The following GABRG3 variants were observed in gnomAD, a reference collection of about 807,000 sequenced individuals.
GABRG3 encodes gamma-aminobutyric acid receptor subunit gamma-3.
Under a neutral mutation model 48.8 loss-of-function variants are expected in GABRG3, and 25 were observed. The ratio of observed to expected loss-of-function variants is 0.51; its 90% CI spans 0.37 to 0.72. The LOEUF is 0.72. Ranked by LOEUF, GABRG3 falls within the 30% of genes least tolerant of loss-of-function variation. GABRG3 has a pLI of 0.00. For synonymous variants in GABRG3, 227 were observed against 217.6 expected (o/e 1.04, Z -0.38); for missense variants, 394 against 577.9 (o/e 0.68, Z 3.26).
intron 3 of GABRG3, among the ~76,000 whole-genome samples, chr15:27,223,482 T>C (rs1034526213): frequency 6.6e-6 from 1 of 152,126 alleles, no homozygotes; most frequent in African/African-American, 2.4e-5. Context: ...AATTTCTATG[T>C]TTACTTAAAA....
At chr15:27,162,837 C>A (rs1887241165) in intron 3 of GABRG3, among the ~76,000 whole-genome samples, 1 of 152,106 alleles carries the variant, frequency 6.6e-6, no homozygotes, top group Non-Finnish European at 1.5e-5. Flanking sequence ...AAGGGTAAGG[C>A]AACATCATTG....
At chr15:27,031,955 C>T (rs754238940) in intron 3 of GABRG3, among the ~76,000 whole-genome samples, 18 of 152,098 alleles carry the variant, frequency 1.2e-4, no homozygotes, top group Non-Finnish European at 1.8e-4. Flanking sequence ...ATCTGTAGTT[C>T]GATAACTTTC....
At chr15:27,015,360 C>A (rs1051944726) in intron 2 of GABRG3, among the ~76,000 whole-genome samples, 12 of 151,068 alleles carry the variant, frequency 7.9e-5, no homozygotes, top group Non-Finnish European at 1.8e-4. Flanking sequence ...TCCTCTCTTG[C>A]CGCTCACTTT....
At chr15:27,216,762 A>ATTTATTTT (rs1889267093) in intron 3 of GABRG3, among the ~76,000 whole-genome samples, 2 of 97,400 alleles carry the variant, frequency 2.1e-5, no homozygotes, top group African/African-American at 7.3e-5. Flanking sequence ...TTATTTATTT[A>ATTTATTTT]TTTATTTATT....
At chr15:27,071,908 G>T (rs748367740) in intron 3 of GABRG3, among the ~76,000 whole-genome samples, 1 of 152,130 alleles carries the variant, frequency 6.6e-6, no homozygotes, top group Non-Finnish European at 1.5e-5. Flanking sequence ...CAGTTGTGGG[G>T]ATAAGAAAAA....
intron 3 of GABRG3, among the ~76,000 whole-genome samples, chr15:27,275,830 C>T (rs1021712806): frequency 2.6e-5 from 4 of 152,062 alleles, no homozygotes; most frequent in African/African-American, 4.8e-5. Flanking sequence ...ACTGCAGGTC[C>T]GATGGGGAGG....
intron 2 of GABRG3, among the ~76,000 whole-genome samples, chr15:27,002,744 C>CAAA (rs71413297): frequency 4.3e-4 from 11 of 25,412 alleles, no homozygotes; most frequent in Admixed American, 7.9e-4. Context: ...CCGTGTCTCT[C>CAAA]AAAAAAAAAA....
intron 5 of GABRG3, among the ~76,000 whole-genome samples, chr15:27,429,040 G>A (rs1888373627): frequency 6.6e-6 from 1 of 152,188 alleles, no homozygotes; most frequent in African/African-American, 2.4e-5. Flanking sequence ...TATACATATA[G>A]ATAAGGTTCA....
At position 27,536,454 on chromosome 15, in the gene GABRG3, TTTTA is replaced by T. The variant is rs1891548929; in HGVS notation, c.*3579_*3582del. ...GCAGTTAGCTATATTTCATGCCAAG[TTTTA>T]TTTATCTTTTATGAATGGATGGAAA... is the stretch of plus-strand genomic sequence containing the variant. On this transcript the variant is annotated 3_prime_UTR_variant, in exon 10 of 10. Transcript: ENST00000615808. The T allele has an allele frequency of 6.6e-6, 1 of 152,176 alleles. No individual in the cohort carries two copies. Among genetic ancestry groups the T allele is most frequent in the Non-Finnish European group, 1.5e-5 (1 of 68,042 alleles). 9.4% of individuals were successfully genotyped at this position (152,176 alleles called of 1,614,324 possible).
chr15:27,122,570 G>A (rs1486575268), intron 3 of GABRG3, among the ~76,000 whole-genome samples: 5 of 152,158 alleles, frequency 3.3e-5, no homozygotes, highest in African/African-American at 7.2e-5. Flanking sequence ...AAAAATAAAA[G>A]CAATTGAGAG....
chr15:27,053,961 G>A (rs1330373557), intron 3 of GABRG3, among the ~76,000 whole-genome samples: 2 of 152,216 alleles, frequency 1.3e-5, no homozygotes, highest in Non-Finnish European at 2.9e-5. Context: ...AGACACTGGG[G>A]ACTTCAAAAG....
At chr15:27,072,364 T>G (rs1440394983) in intron 3 of GABRG3, among the ~76,000 whole-genome samples, 1 of 152,154 alleles carries the variant, frequency 6.6e-6, no homozygotes, top group Non-Finnish European at 1.5e-5. Context: ...CTTCATTTCC[T>G]TTTCTTCATT....
At chr15:27,015,687 G>T (rs139609924) in intron 2 of GABRG3, among the ~76,000 whole-genome samples, 1 of 151,768 alleles carries the variant, frequency 6.6e-6, no homozygotes, top group African/African-American at 2.4e-5. Flanking sequence ...GCGCCCGGCC[G>T]TGTTTGATTT....
chr15:27,247,597 T>A (rs574550136), intron 3 of GABRG3, among the ~76,000 whole-genome samples: 12 of 152,312 alleles, frequency 7.9e-5, no homozygotes, highest in Non-Finnish European at 2.9e-5. Context: ...GAGCCCTCAC[T>A]GCTGTAACAT....
intron 3 of GABRG3, among the ~76,000 whole-genome samples, chr15:27,262,697 A>G (rs993873473): frequency 2.0e-5 from 3 of 152,254 alleles, no homozygotes; most frequent in Non-Finnish European, 4.4e-5. Context: ...GAAGAAATCT[A>G]TTGAATTAAG....
intron 2 of GABRG3, 28 bp from the exon 3 acceptor site, chr15:27,026,726 A>T: frequency 6.4e-7 from 1 of 1,572,244 alleles, no homozygotes; most frequent in Non-Finnish European, 8.7e-7. Context: ...GGCACGAAGT[A>T]TTAACATACA....
intron 3 of GABRG3, among the ~76,000 whole-genome samples, chr15:27,193,918 T>C (rs1315775298): frequency 1.3e-5 from 2 of 152,232 alleles, no homozygotes; most frequent in Admixed American, 6.5e-5. Context: ...TAGTTATTAA[T>C]ATATTAGGAG....
chr15:27,489,762 T>G (rs771096708), intron 6 of GABRG3, among the ~76,000 whole-genome samples: 4 of 152,248 alleles, frequency 2.6e-5, no homozygotes, highest in Non-Finnish European at 5.9e-5. Context: ...TTGTAGATTC[T>G]GGATATTAGC....
chr15:27,101,901 T>C (rs1443269678), intron 3 of GABRG3, among the ~76,000 whole-genome samples: 1 of 151,362 alleles, frequency 6.6e-6, no homozygotes, highest in Non-Finnish European at 1.5e-5. Flanking sequence ...TTAAGAAAGT[T>C]TATGAATTTG....
Sources: allele counts gnomAD v4.1 joint callset (sites outside exome capture counted in the v4.1 genomes callset), GRCh38; gene constraint gnomAD v4.1.1; transcripts MANE v1.5; gene names NCBI Gene and HGNC (gene_info 2026-07-23, HGNC 2026-07-21).